PDE10A: variants seen among roughly 807,000 people sequenced by gnomAD.
The protein encoded by PDE10A is cAMP and cAMP-inhibited cGMP 3',5'-cyclic phosphodiesterase 10A.
PDE10A carries 39 observed loss-of-function variants against 97.7 expected under a neutral mutation model. The observed-to-expected ratio is 0.40, with a 90% CI of 0.31 to 0.52. The LOEUF is 0.52. Among genes scored for constraint, PDE10A ranks in the 20% least tolerant of loss-of-function variants. The pLI, the probability that PDE10A is intolerant of heterozygous loss-of-function variation, is 0.56. For synonymous variants in PDE10A, 371 were observed against 376.8 expected, an observed-to-expected ratio of 0.98 and a Z score of 0.18; for missense variants, 731 against 1,047.8, an observed-to-expected ratio of 0.70 and a Z score of 4.17.
At chr6:165,878,772 G>C (rs961269919) in intron 1 of PDE10A, among the ~76,000 whole-genome samples, 27 of 152,296 alleles carry the variant, frequency 1.8e-4, no homozygotes, top group Middle Eastern at 3.4e-3. Flanking sequence ...CATCGGTCAA[G>C]GCAGATAAGG....
chr6:165,954,981 G>T (rs1784087710), intron 1 of PDE10A, among the ~76,000 whole-genome samples: 1 of 152,080 alleles, frequency 6.6e-6, no homozygotes, highest in African/African-American at 2.4e-5. Context: ...CTCCAGCCTG[G>T]CCCATTCCAA....
chr6:165,395,707 C>T (rs1466004365), intron 14 of PDE10A, among the ~76,000 whole-genome samples: 1 of 151,980 alleles, frequency 6.6e-6, no homozygotes, highest in Non-Finnish European at 1.5e-5. Context: ...TTTTCATTTG[C>T]TAATTTAGTT....
intron 13 of PDE10A, among the ~76,000 whole-genome samples, chr6:165,397,182 T>G (rs748818171): frequency 6.6e-6 from 1 of 152,294 alleles, no homozygotes; most frequent in Admixed American, 6.5e-5. Context: ...CAAATAATTA[T>G]AAATTAATAT....
chr6:165,375,908 A>T (rs1784578197), intron 18 of PDE10A, among the ~76,000 whole-genome samples: 1 of 152,236 alleles, frequency 6.6e-6, no homozygotes, highest in Non-Finnish European at 1.5e-5. Context: ...TAAGCCTACT[A>T]TCAAAACTTA....
intron 1 of PDE10A, among the ~76,000 whole-genome samples, chr6:165,609,180 G>T (rs1671528173): frequency 6.6e-6 from 1 of 152,066 alleles, no homozygotes; most frequent in South Asian, 2.1e-4. Context: ...TGAAATCCTT[G>T]CCCATGCCTA....
chr6:165,458,474 C>T (rs1877305), intron 3 of PDE10A, among the ~76,000 whole-genome samples: 3 of 151,872 alleles, frequency 2.0e-5, no homozygotes, highest in Non-Finnish European at 4.4e-5. Flanking sequence ...TGTGCCATCA[C>T]CTTGATCTTG....
At chr6:165,695,929 A>C (rs1342952714) in intron 1 of PDE10A, among the ~76,000 whole-genome samples, 2 of 152,096 alleles carry the variant, frequency 1.3e-5, no homozygotes, top group African/African-American at 4.8e-5. Flanking sequence ...ACTGTTGAAA[A>C]CACCCAGGGC....
intron 1 of PDE10A, among the ~76,000 whole-genome samples, chr6:165,685,634 T>G (rs1447949131): frequency 2.6e-5 from 4 of 152,132 alleles, no homozygotes; most frequent in African/African-American, 9.7e-5. Context: ...CACACTCCTC[T>G]TTTACCTGTG....
intron 1 of PDE10A, among the ~76,000 whole-genome samples, chr6:165,964,182 A>G (rs893060730): frequency 3.8e-4 from 58 of 152,176 alleles, no homozygotes; most frequent in African/African-American, 1.4e-3. Context: ...ACAAGGAGCA[A>G]CTTGTCAAGG....
chr6:165,392,167 A>C (rs1429539432), intron 16 of PDE10A, among the ~76,000 whole-genome samples: 1 of 152,170 alleles, frequency 6.6e-6, no homozygotes, highest in African/African-American at 2.4e-5. Flanking sequence ...AAAGCTTTGG[A>C]TATGTCACTA....
chr6:165,335,905 C>T (rs1306391836), intron 21 of PDE10A, among the ~76,000 whole-genome samples: 1 of 152,082 alleles, frequency 6.6e-6, no homozygotes, highest in Admixed American at 6.5e-5. Context: ...ACCCAAGCAC[C>T]CAAGGTGCCT....
intron 1 of PDE10A, among the ~76,000 whole-genome samples, chr6:165,556,601 A>C (rs1784266877): frequency 1.3e-5 from 2 of 152,198 alleles, no homozygotes; most frequent in African/African-American, 4.8e-5. Context: ...CTGAAAGTGA[A>C]AGTGAATTCT....
At chr6:165,594,224 C>T (rs540757141) in intron 1 of PDE10A, among the ~76,000 whole-genome samples, 5 of 152,298 alleles carry the variant, frequency 3.3e-5, no homozygotes, top group Admixed American at 3.3e-4. Context: ...GGAGAAGTGG[C>T]TGATTCCAGG....
intron 1 of PDE10A, among the ~76,000 whole-genome samples, chr6:165,750,501 A>G (rs1003314625): frequency 6.6e-6 from 1 of 152,114 alleles, no homozygotes; most frequent in Admixed American, 6.5e-5. Flanking sequence ...GCACATTGAC[A>G]CTAAGCCTGG....
chr6:165,880,943 C>T (rs1781455499), intron 1 of PDE10A, among the ~76,000 whole-genome samples: 2 of 152,192 alleles, frequency 1.3e-5, no homozygotes, highest in Non-Finnish European at 1.5e-5. Context: ...TTCCTTTATA[C>T]TTAACTCATC....
At chr6:165,619,056 G>GGTGTA (rs879488916) in intron 1 of PDE10A, among the ~76,000 whole-genome samples, 14,542 of 49,392 alleles carry the variant, frequency 0.29, 887 homozygotes, top group Middle Eastern at 0.33. Flanking sequence ...AGTCTAGTGT[G>GGTGTA]GTGTAGTGTA....
chr6:165,729,463 G>T (rs552415250), intron 1 of PDE10A, among the ~76,000 whole-genome samples: 44 of 152,260 alleles, frequency 2.9e-4, no homozygotes, highest in Non-Finnish European at 6.2e-4. Flanking sequence ...ACTAAGGACA[G>T]CAGTGAAATA....
At chr6:165,390,147 AAAAAACAACAAAAC>A (rs1785590464) in intron 16 of PDE10A, among the ~76,000 whole-genome samples, 1 of 152,232 alleles carries the variant, frequency 6.6e-6, no homozygotes, top group Admixed American at 6.5e-5. Flanking sequence ...AGGATTAAGA[AAAAAACAACAAAAC>A]AAAAACAAAC....
At chr6:165,497,059 T>A (rs1457271657) in intron 2 of PDE10A, among the ~76,000 whole-genome samples, 5 of 152,108 alleles carry the variant, frequency 3.3e-5, no homozygotes, top group Non-Finnish European at 5.9e-5. Flanking sequence ...TTGGAAAATA[T>A]AAATAACTAC....
Sources: allele counts gnomAD v4.1 joint callset (sites outside exome capture counted in the v4.1 genomes callset), GRCh38; gene constraint gnomAD v4.1.1; transcripts MANE v1.5; gene names NCBI Gene and HGNC (gene_info 2026-07-23, HGNC 2026-07-21).